Variants in IQSEC1 observed in about 807,000 individuals in gnomAD.
IQSEC1 encodes the protein IQ motif and Sec7 domain ArfGEF 1, also known as IQ motif and SEC7 domain-containing protein 1.
A neutral mutation model predicts 91.0 loss-of-function variants in IQSEC1; 31 were observed. That is an observed-to-expected ratio of 0.34 (90% CI 0.26 to 0.46). The LOEUF is 0.46. Among genes scored for constraint, IQSEC1 ranks in the 20% least tolerant of loss-of-function variants. IQSEC1 has a pLI of 1.00. For synonymous variants in IQSEC1, 699 were observed against 662.6 expected, an observed-to-expected ratio of 1.05 and a Z score of -0.84; for missense variants, 1,388 against 1,575.6, an observed-to-expected ratio of 0.88 and a Z score of 2.02.
intron 8 of IQSEC1, among the ~76,000 whole-genome samples, chr3:12,914,811 G>A (rs1695915940): frequency 6.6e-6 from 1 of 152,080 alleles, no homozygotes; most frequent in Non-Finnish European, 1.5e-5. Flanking sequence ...GTAGCGGACA[G>A]GGCAGGGCCT....
chr3:13,061,219 G>C (rs543874579), intron 1 of IQSEC1, among the ~76,000 whole-genome samples: 1 of 152,268 alleles, frequency 6.6e-6, no homozygotes, highest in Non-Finnish European at 1.5e-5. Context: ...GACAGAGCCG[G>C]CAGCATGGGC....
In IQSEC1 at chr3:12,936,017, G is replaced by A; in HGVS notation, c.999C>T (p.Ala333=). Residue 333 remains alanine, a synonymous_variant, in exon 3 of 14, where the codon GCC becomes GCT. Coordinates refer to ENST00000613206, the MANE Select transcript of IQSEC1 (RefSeq NM_001134382.3). ...CCGTGTCAGCCTTGTCCTCTTTGTG[G>A]GCCAGGGCCCAGTAGTCTGGGGCTG... ...GGAAPDYWAL[A]HKEDKADTDT... is the part of the protein sequence containing the mutation. 8 of 1,601,236 alleles carry A rather than the reference G, an allele frequency of 5.0e-6. No individual in the cohort carries two copies. The highest frequency in any genetic ancestry group is 6.8e-6 in the Non-Finnish European group (8 of 1,179,784).
intron 1 of IQSEC1, among the ~76,000 whole-genome samples, chr3:13,167,788 G>A (rs374252286): frequency 6.6e-6 from 1 of 152,236 alleles, no homozygotes; most frequent in Non-Finnish European, 1.5e-5. Context: ...CCTTCGCCAT[G>A]TGTGCAGCCC....
chr3:13,013,102 C>T (rs952419154), intron 1 of IQSEC1, among the ~76,000 whole-genome samples: 9 of 151,618 alleles, frequency 5.9e-5, no homozygotes, highest in Non-Finnish European at 1.2e-4. Context: ...CTGGGATTAC[C>T]GGCATGCGCC....
At chr3:13,270,105 G>A (rs901338870) in intron 1 of IQSEC1, among the ~76,000 whole-genome samples, 37 of 152,256 alleles carry the variant, frequency 2.4e-4, no homozygotes, top group African/African-American at 8.4e-4. Context: ...GAGTGAAGTC[G>A]TTTTGGACCC....
intron 12 of IQSEC1, among the ~76,000 whole-genome samples, chr3:12,904,452 A>T (rs866051175): frequency 2.6e-5 from 4 of 152,336 alleles, no homozygotes; most frequent in African/African-American, 9.6e-5. Flanking sequence ...TCTCAGCCGG[A>T]AGTAAGAGGA....
intron 1 of IQSEC1, among the ~76,000 whole-genome samples, chr3:13,029,029 A>G (rs1703739200): frequency 6.6e-6 from 1 of 152,256 alleles, no homozygotes; most frequent in African/African-American, 2.4e-5. Flanking sequence ...AGGGGTTGTG[A>G]AGATGAAACA....
rs1441411059 is a variant in IQSEC1, at chr3:12,920,464, T to C, written c.1986A>G (p.Lys662=). The C allele has an allele frequency of 6.2e-7, 1 of 1,614,188 alleles. No homozygotes were observed. The highest frequency in any genetic ancestry group is 1.1e-5 in the South Asian group (1 of 91,086). ...TCTTGATGAAGTCCTCTAGCTTCAT[T>C]TTCCGCTCGGGCTTGACATTGGGGC... ...MYSPNVKPER[K]MKLEDFIKNL... is the part of the protein sequence containing the mutation. Residue 662 remains lysine, a synonymous_variant, in exon 6 of 14, where the codon AAA becomes AAG. Coordinates refer to ENST00000613206, the MANE Select transcript of IQSEC1 (RefSeq NM_001134382.3).
At chr3:12,998,019 C>T (rs57196392) in intron 1 of IQSEC1, among the ~76,000 whole-genome samples, 3,662 of 152,300 alleles carry the variant, frequency 0.024, 61 homozygotes, top group South Asian at 0.066. Context: ...AAGACACATC[C>T]ATATGATGGA....
intron 1 of IQSEC1, among the ~76,000 whole-genome samples, chr3:12,945,573 A>G (rs1033144122): frequency 4.6e-5 from 7 of 152,034 alleles, no homozygotes; most frequent in Admixed American, 3.9e-4. Context: ...AACCACCCCA[A>G]AAAAAAGAAA....
At chr3:13,147,369 T>C (rs1478844385) in intron 2 of IQSEC1, among the ~76,000 whole-genome samples, 1 of 148,710 alleles carries the variant, frequency 6.7e-6, no homozygotes, top group Non-Finnish European at 1.5e-5. Flanking sequence ...CCGTATGCCT[T>C]TATGTACTCA....
chr3:13,147,852 C>T (rs1348650900), intron 2 of IQSEC1, among the ~76,000 whole-genome samples: 1 of 152,176 alleles, frequency 6.6e-6, no homozygotes, highest in Non-Finnish European at 1.5e-5. Flanking sequence ...AGGCTGGTCT[C>T]GAACTCCTGA....
At position 12,900,715 on chromosome 3, in the gene IQSEC1, C is replaced by T. The variant is rs544344431; in HGVS notation, c.*268G>A. 21 of 1,387,348 alleles carry T rather than the reference C, an allele frequency of 1.5e-5. No individual in the cohort carries two copies. The highest frequency in any genetic ancestry group is 1.3e-4 in the Admixed American group (4 of 30,616). 85.9% of individuals were successfully genotyped at this position (1,387,348 alleles called of 1,614,324 possible). A position where few individuals can be genotyped will look rare whatever the true frequency, so the allele number is the denominator to read the frequency against. On this transcript the variant is annotated 3_prime_UTR_variant, in exon 14 of 14. Transcript: ENST00000613206. ...GTTCAACACTACTTGGCTGGCTCACCGTTTCAAGGCTGATGGTGTCTGAGG... is the reference window on the plus strand; with the variant it reads ...GTTCAACACTACTTGGCTGGCTCACTGTTTCAAGGCTGATGGTGTCTGAGG...
At chr3:12,956,116 C>T (rs1699890650) in intron 1 of IQSEC1, among the ~76,000 whole-genome samples, 1 of 152,208 alleles carries the variant, frequency 6.6e-6, no homozygotes, top group Non-Finnish European at 1.5e-5. Flanking sequence ...GTGGCAGCCG[C>T]ATCCATCAGA....
rs1355422223 is a variant in IQSEC1 at position 12,994,432 on chromosome 3, G to C, written c.24-52567C>G. On this transcript the variant is annotated intron_variant, in intron 1 of 13. Coordinates refer to ENST00000613206, the MANE Select transcript of IQSEC1 (RefSeq NM_001134382.3). This position sits in a 1 kb window ranked among gnomAD's most constrained non-coding sequence, Gnocchi z 4.5. ...TGGACGAGTGGAGGGCGCTCAGGTC[G>C]GTGCAGCCGCTGCAGCGGATGGGTC... 6.6e-6 allele frequency among the ~76,000 whole-genome samples: 1 copy of C among 151,884 alleles called. No individual in the cohort carries two copies. Among genetic ancestry groups the C allele is most frequent in the African/African-American group, 2.4e-5 (1 of 41,382 alleles).
At chr3:13,178,496 G>A (rs1693779118) in intron 1 of IQSEC1, among the ~76,000 whole-genome samples, 1 of 152,216 alleles carries the variant, frequency 6.6e-6, no homozygotes, top group Non-Finnish European at 1.5e-5. Flanking sequence ...CCTAGCTGCA[G>A]GGGCTGGAAG....
intron 1 of IQSEC1, among the ~76,000 whole-genome samples, chr3:12,949,399 T>C (rs963359354): frequency 6.6e-6 from 1 of 152,262 alleles, no homozygotes; most frequent in African/African-American, 2.4e-5. Flanking sequence ...CTTGAAAGCC[T>C]GTCTGTGGTT....
At chr3:13,074,398 C>T (rs1428863764), upstream of IQSEC1, among the ~76,000 whole-genome samples, 1 of 152,148 alleles carries the variant, frequency 6.6e-6, no homozygotes, top group Non-Finnish European at 1.5e-5. Context: ...CCATCCTCGG[C>T]TCCCACACCC....
rs1701561781 is a variant in IQSEC1 at position 12,983,346 on chromosome 3, GT to G, written c.24-41482del. Among the ~76,000 whole-genome samples the G allele has an allele frequency of 6.6e-6, 1 of 152,180 alleles. No individual in the cohort carries two copies. The highest frequency in any genetic ancestry group is 6.5e-5 in the Admixed American group (1 of 15,280). On this transcript the variant is annotated intron_variant, in intron 1 of 13. Transcript: ENST00000613206. The surrounding 1 kb of genome is among the most constrained non-coding windows in gnomAD (Gnocchi z 4.3). ...CTCGGAGGGGATGAAAGGTGGCGTG[GT>G]GACAACTGCAGTCTGGGTGCTGGCT...
Sources: allele counts gnomAD v4.1 joint callset (sites outside exome capture counted in the v4.1 genomes callset), GRCh38; gene constraint gnomAD v4.1.1; non-coding constraint Gnocchi (gnomAD v3.1); transcripts MANE v1.5; gene names NCBI Gene and HGNC (gene_info 2026-07-23, HGNC 2026-07-21).